NPAS3: variants seen among roughly 807,000 people sequenced by gnomAD.
NPAS3 encodes neuronal PAS domain-containing protein 3.
NPAS3 carries 14 observed loss-of-function variants against 73.1 expected under a neutral mutation model. That is an observed-to-expected ratio of 0.19 (90% CI 0.13 to 0.30). NPAS3 has a LOEUF of 0.30. Ranked by LOEUF, NPAS3 falls within the 10% of genes least tolerant of loss-of-function variation. The pLI is 1.00. For missense variants in NPAS3, 1,096 were observed against 1,250.0 expected (o/e 0.88, Z 1.86); for synonymous variants, 620 against 541.5 (o/e 1.14, Z -2.01).
intron 3 of NPAS3, among the ~76,000 whole-genome samples, chr14:33,339,783 A>G (rs893276964): frequency 2.0e-5 from 3 of 152,238 alleles, no homozygotes; most frequent in Admixed American, 2.0e-4. Flanking sequence ...ATTCCCATCA[A>G]AGTAGCATTT....
intron 7 of NPAS3, among the ~76,000 whole-genome samples, chr14:33,759,891 T>C (rs979716479): frequency 6.6e-6 from 1 of 152,220 alleles, no homozygotes; most frequent in Non-Finnish European, 1.5e-5. Flanking sequence ...ATGGATATGA[T>C]AAAGTTTCTA....
At chr14:33,559,421 T>C (rs77221309) in intron 4 of NPAS3, among the ~76,000 whole-genome samples, 1 of 152,330 alleles carries the variant, frequency 6.6e-6, no homozygotes, top group African/African-American at 2.4e-5. Context: ...GCTCTTGATA[T>C]AGGAAGCCTT....
At position 33,728,567 on chromosome 14, in the gene NPAS3, T is replaced by A. The variant is rs1333999345; in HGVS notation, c.734-6647T>A. 2.0e-5 allele frequency among the ~76,000 whole-genome samples: 3 copies of A among 152,242 alleles called. No homozygotes were observed. In the East Asian group the frequency reaches 5.8e-4, roughly 29 times the overall value. On this transcript the variant is annotated intron_variant, in intron 6 of 11. Coordinates refer to ENST00000356141, the Ensembl canonical transcript of NPAS3. ...AAGTATAGTGGCTGCAACTGCATAG[T>A]CTGCAAAGGGTGGTACAACTTGTGA...
At chr14:33,348,241 A>G (rs983715236) in intron 3 of NPAS3, among the ~76,000 whole-genome samples, 3 of 152,062 alleles carry the variant, frequency 2.0e-5, no homozygotes, top group Non-Finnish European at 2.9e-5. Flanking sequence ...TGATTGTAGA[A>G]CCTGAACTCT....
At chr14:33,197,361 C>T (rs2046405419) in intron 2 of NPAS3, among the ~76,000 whole-genome samples, 1 of 151,924 alleles carries the variant, frequency 6.6e-6, no homozygotes, top group East Asian at 1.9e-4. Context: ...GTCTCTTGCT[C>T]CCACCTGCTG....
At chr14:33,079,421 C>A (rs922511429) in intron 2 of NPAS3, among the ~76,000 whole-genome samples, 1 of 149,678 alleles carries the variant, frequency 6.7e-6, no homozygotes, top group East Asian at 2.0e-4. Flanking sequence ...CGAGTTCAAG[C>A]GATTCTCCTG....
intron 5 of NPAS3, among the ~76,000 whole-genome samples, chr14:33,644,151 G>C (rs778102267): frequency 2.0e-5 from 3 of 152,088 alleles, no homozygotes; most frequent in Non-Finnish European, 4.4e-5. Flanking sequence ...TTATACATGA[G>C]TTCATAATAT....
chr14:33,420,228 C>T (rs2048315253), intron 4 of NPAS3, among the ~76,000 whole-genome samples: 1 of 151,916 alleles, frequency 6.6e-6, no homozygotes, highest in East Asian at 1.9e-4. Context: ...ATTTCCTCAT[C>T]CTGGTGTTTG....
At chr14:33,093,299 A>C (rs1566553147) in intron 2 of NPAS3, among the ~76,000 whole-genome samples, 1 of 152,206 alleles carries the variant, frequency 6.6e-6, no homozygotes, top group East Asian at 1.9e-4. Flanking sequence ...CCTATCAAAA[A>C]GTGGGCAAAG....
intron 4 of NPAS3, among the ~76,000 whole-genome samples, chr14:33,537,960 T>C (rs995554649): frequency 1.3e-5 from 2 of 152,206 alleles, no homozygotes; most frequent in African/African-American, 4.8e-5. Flanking sequence ...GTGGTTCATG[T>C]AGCTTTTAAT....
chr14:33,008,674 T>C (rs1451981839), intron 1 of NPAS3, among the ~76,000 whole-genome samples: 3 of 152,216 alleles, frequency 2.0e-5, no homozygotes, highest in Non-Finnish European at 2.9e-5. Context: ...TTGAGGGTTT[T>C]ATAGGAAATA....
intron 3 of NPAS3, among the ~76,000 whole-genome samples, chr14:33,288,399 G>A (rs561225530): frequency 1.7e-4 from 26 of 152,112 alleles, no homozygotes; most frequent in African/African-American, 6.3e-4. Context: ...TCTGATCTAG[G>A]TTATGAACTT....
At chr14:33,189,838 A>C (rs1282915397) in intron 2 of NPAS3, among the ~76,000 whole-genome samples, 2 of 152,218 alleles carry the variant, frequency 1.3e-5, no homozygotes, top group African/African-American at 4.8e-5. Context: ...TATAAAGATA[A>C]GCAAAAAAGG....
intron 2 of NPAS3, among the ~76,000 whole-genome samples, chr14:33,132,589 C>T (rs1247117162): frequency 6.6e-6 from 1 of 151,886 alleles, no homozygotes; most frequent in East Asian, 1.9e-4. Context: ...ATGGATCCCT[C>T]AGGAGTGAGG....
intron 5 of NPAS3, chr14:33,612,533 C>G (rs1219969325): frequency 2.2e-6 from 1 of 455,984 alleles, no homozygotes; most frequent in Admixed American, 2.3e-5. Context: ...TTTAGTTCCT[C>G]TGGCTTTAAA....
At chr14:33,444,070 C>G (rs1566908664) in intron 4 of NPAS3, among the ~76,000 whole-genome samples, 1 of 152,128 alleles carries the variant, frequency 6.6e-6, no homozygotes, top group Admixed American at 6.5e-5. Flanking sequence ...GAAATTTACA[C>G]TTTGTCTTTT....
At chr14:33,600,551 TA>T (rs2057370695) in intron 5 of NPAS3, among the ~76,000 whole-genome samples, 1 of 152,176 alleles carries the variant, frequency 6.6e-6, no homozygotes. Context: ...AAGAACCATG[TA>T]GAGCAGGTGA....
intron 2 of NPAS3, among the ~76,000 whole-genome samples, chr14:33,148,229 A>G (rs1325099025): frequency 6.6e-6 from 1 of 152,176 alleles, no homozygotes; most frequent in Non-Finnish European, 1.5e-5. Flanking sequence ...TTAATTTTAC[A>G]TACTGATTTT....
chr14:33,198,169 C>G (rs2046452286), intron 2 of NPAS3, among the ~76,000 whole-genome samples: 1 of 152,188 alleles, frequency 6.6e-6, no homozygotes, highest in South Asian at 2.1e-4. Flanking sequence ...CTCATAAAGT[C>G]AGTGCGGACC....
Sources: allele counts gnomAD v4.1 joint callset (sites outside exome capture counted in the v4.1 genomes callset), GRCh38; gene constraint gnomAD v4.1.1; transcripts MANE v1.5; gene names NCBI Gene and HGNC (gene_info 2026-07-23, HGNC 2026-07-21).